The following PKM variants were observed in gnomAD, a reference collection of about 807,000 sequenced individuals.
The protein encoded by PKM is pyruvate kinase M1/2, also known as pyruvate kinase PKM.
In PKM, 18 loss-of-function variants were observed where a neutral mutation model predicts 49.8. The ratio of observed to expected loss-of-function variants is 0.36; its 90% CI spans 0.25 to 0.54. The LOEUF (loss-of-function observed/expected upper bound fraction) is 0.54. Among genes scored for constraint, PKM ranks in the 20% least tolerant of loss-of-function variants. The pLI is 0.89. For missense variants in PKM, 508 were observed against 713.8 expected (o/e 0.71, Z 3.28); for synonymous variants, 239 against 261.8 (o/e 0.91, Z 0.84).
intron 1 of PKM, among the ~76,000 whole-genome samples, chr15:72,224,479 C>T (rs896859815): frequency 6.6e-6 from 1 of 152,126 alleles, no homozygotes; most frequent in African/African-American, 2.4e-5. Flanking sequence ...GGTCTTCCTA[C>T]GGCAGCCTTT....
At chr15:72,229,743 G>A (rs1435684087) in intron 1 of PKM, 2 of 1,154,058 alleles carry the variant, frequency 1.7e-6, no homozygotes, top group Non-Finnish European at 2.2e-6. Context: ...GACTCGTCTA[G>A]TCATCCTGGT....
At chr15:72,229,482 T>C in intron 1 of PKM, 1 of 1,033,708 alleles carries the variant, frequency 9.7e-7, no homozygotes, top group South Asian at 1.3e-5. Flanking sequence ...CTTTAACCCG[T>C]ACCAGCAAAG....
In PKM at chr15:72,200,609, C is replaced by A; in HGVS notation, c.1354G>T (p.Ala452Ser). ...ARYRPRAPII[A>S]VTRNPQTARQ... The stretch of plus-strand genomic sequence containing the variant: ...GCTGTCTGGGGATTCCGGGTCACAG[C>A]AATGATGGGGGCACGTGGGCGGTAT... The change falls in exon 10 of 11, where the codon GCT becomes TCT. Residue 452 changes from alanine to serine, a missense_variant. Ala to Ser is a moderately conservative substitution (Grantham distance 99). Transcript: ENST00000335181. The surrounding 1 kb of genome is among the most constrained non-coding windows in gnomAD (Gnocchi z 4.6). The A allele has an allele frequency of 6.2e-6, 10 of 1,613,744 alleles. No individual in the cohort carries two copies. The South Asian group carries it at 9.9e-5, about 16-fold the overall frequency.
chr15:72,220,211 AG>A (rs1226757716), intron 1 of PKM, among the ~76,000 whole-genome samples: 2 of 152,198 alleles, frequency 1.3e-5, no homozygotes, highest in Non-Finnish European at 2.9e-5. Flanking sequence ...TCTCAGACCA[AG>A]GGCTACTCTT....
intron 3 of PKM, among the ~76,000 whole-genome samples, chr15:72,212,594 A>C (rs1179253132): frequency 6.6e-6 from 1 of 152,184 alleles, no homozygotes; most frequent in Non-Finnish European, 1.5e-5. Flanking sequence ...ATTAGGACAA[A>C]GTACATGGTA....
chr15:72,225,571 C>G (rs2082645821), intron 1 of PKM, among the ~76,000 whole-genome samples: 1 of 152,178 alleles, frequency 6.6e-6, no homozygotes, highest in Non-Finnish European at 1.5e-5. Context: ...TATGTCTATA[C>G]TGAACCCTAT....
At chr15:72,221,840 T>C (rs1051212758) in intron 1 of PKM, among the ~76,000 whole-genome samples, 1 of 148,794 alleles carries the variant, frequency 6.7e-6, no homozygotes, top group African/African-American at 2.5e-5. Context: ...ACGATACAAG[T>C]CTTAGGCCCT....
intron 1 of PKM, among the ~76,000 whole-genome samples, chr15:72,223,078 G>A (rs1341324356): frequency 6.8e-6 from 1 of 146,890 alleles, no homozygotes; most frequent in Non-Finnish European, 1.5e-5. Context: ...GGAGTGCAGT[G>A]GTGTGATTAT....
upstream of PKM, chr15:72,231,234 G>A: frequency 6.1e-6 from 1 of 164,072 alleles, no homozygotes; most frequent in South Asian, 1.0e-4. Context: ...GCTGCGGGCC[G>A]CCGCAATCCC....
At chr15:72,206,556 A>T in intron 8 of PKM, 172 bp downstream of exon 8, 1 of 639,422 alleles carries the variant, frequency 1.6e-6, no homozygotes, top group Non-Finnish European at 2.7e-6. Context: ...AACAGGAGAA[A>T]AAAAAAAGCC....
At chr15:72,231,049 G>T in intron 1 of PKM, 67 bp downstream of exon 1, 1 of 917,888 alleles carries the variant, frequency 1.1e-6, no homozygotes, top group Non-Finnish European at 1.5e-6. Context: ...GGCGCGCCGG[G>T]ATTCCGCACT....
chr15:72,199,306 T>G lies in PKM; in HGVS notation c.*344A>C. 2.3e-6 allele frequency: 1 copy of G among 428,102 alleles called. No homozygotes were observed. The highest frequency in any genetic ancestry group is 4.5e-6 in the Non-Finnish European group (1 of 222,026). 26.5% of individuals were successfully genotyped at this position (428,102 alleles called of 1,614,324 possible). A position where few individuals can be genotyped will look rare whatever the true frequency, so the allele number is the denominator to read the frequency against. ...CTTGACCCCAAGCCAGGGTTGGGAG[T>G]CCTCTGGGCATCCATTTTTTCTAAA... On this transcript the variant is annotated 3_prime_UTR_variant, in exon 11 of 11. Transcript: ENST00000335181.
At chr15:72,210,844 A>G (rs919853630) in intron 3 of PKM, among the ~76,000 whole-genome samples, 2 of 152,134 alleles carry the variant, frequency 1.3e-5, no homozygotes, top group Non-Finnish European at 2.9e-5. Flanking sequence ...AAATACCCTC[A>G]GCATATAAAG....
intron 3 of PKM, among the ~76,000 whole-genome samples, chr15:72,211,065 C>CTT (rs1471537896): frequency 4.6e-4 from 70 of 151,026 alleles, no homozygotes; most frequent in African/African-American, 1.6e-3. Flanking sequence ...TTCTCAATCG[C>CTT]TTTGTTTTTT....
At chr15:72,209,437 ATATGTATATATATATATATATGTATG>A (rs1567113416) in intron 5 of PKM, 5 of 26,124 alleles carry the variant, frequency 1.9e-4, no homozygotes, top group African/African-American at 4.6e-4. Flanking sequence ...ATATATATAT[ATATGTATATATATATATATATGTATG>A]TATGTTCCTG....
At chr15:72,228,566 T>TC (rs924540288) in intron 1 of PKM, 2 of 1,072,726 alleles carry the variant, frequency 1.9e-6, no homozygotes, top group Non-Finnish European at 2.5e-6. Flanking sequence ...CAATGTAGTT[T>TC]CCCCACTCAC....
chr15:72,206,474 TG>T, intron 8 of PKM: 1 of 541,602 alleles, frequency 1.8e-6, no homozygotes, highest in South Asian at 2.1e-5. Context: ...ATAAACTGTG[TG>T]GTGTCCAATG....
rs773642369 is a variant in PKM at position 72,219,073 on chromosome 15, C to T, written c.25G>A (p.Gly9Arg). The T allele has an allele frequency of 5.6e-6, 9 of 1,614,006 alleles. No individual in the cohort carries two copies. The African/African-American group carries it at 8.0e-5, about 14-fold the overall frequency. Reference protein sequence around the residue: MSKPHSEAGTAFIQTQQLH... With the variant: MSKPHSEARTAFIQTQQLH... ...TGCTGGGTCTGAATGAAGGCAGTCC[C>T]GGCTTCACTATGGGGCTTCGACATG... Residue 9 changes from glycine (G) to arginine (R), a missense_variant, in exon 2 of 11, where the codon GGG becomes AGG. Coordinates refer to ENST00000335181, the MANE Select transcript of PKM (RefSeq NM_002654.6).
In PKM at chr15:72,205,890, TG is replaced by T. The variant is rs112384338; in HGVS notation, c.1140+837del. On this transcript the variant is annotated intron_variant, in intron 8 of 10. Transcript: ENST00000335181. The stretch of plus-strand genomic sequence containing the variant: ...GGGATCCCTGAGTTAGCTCCAGAGC[TG>T]GAACAGACAGGGCAAAGGGACTGAG... Among the ~76,000 whole-genome samples, 1,158 of 152,204 alleles carry T rather than the reference TG, an allele frequency of 7.6e-3. 26 individuals are homozygous for T. The highest frequency in any genetic ancestry group is 0.027 in the African/African-American group (1,103 of 41,512).
Sources: allele counts gnomAD v4.1 joint callset (sites outside exome capture counted in the v4.1 genomes callset), GRCh38; gene constraint gnomAD v4.1.1; non-coding constraint Gnocchi (gnomAD v3.1); transcripts MANE v1.5; gene names NCBI Gene and HGNC (gene_info 2026-07-23, HGNC 2026-07-21).